MAGI1: variants seen among roughly 807,000 people sequenced by gnomAD.
The protein encoded by MAGI1 is membrane associated guanylate kinase, WW and PDZ domain containing 1, also known as membrane-associated guanylate kinase, WW and PDZ domain-containing protein 1.
In MAGI1, 58 loss-of-function variants were observed where a neutral mutation model predicts 139.9. The ratio of observed to expected loss-of-function variants is 0.41; its 90% CI spans 0.34 to 0.52. The LOEUF (loss-of-function observed/expected upper bound fraction) is 0.52. Among genes scored for constraint, MAGI1 ranks in the 20% least tolerant of loss-of-function variants. The pLI, the probability that MAGI1 is intolerant of heterozygous loss-of-function variation, is 0.12. For missense variants in MAGI1, 1,874 were observed against 1,901.6 expected, an observed-to-expected ratio of 0.99 and a Z score of 0.27; for synonymous variants, 812 against 737.9, an observed-to-expected ratio of 1.10 and a Z score of -1.63.
intron 12 of MAGI1, among the ~76,000 whole-genome samples, chr3:65,410,879 T>C (rs1049254976): frequency 7.2e-5 from 11 of 152,294 alleles, no homozygotes; most frequent in African/African-American, 2.2e-4. Flanking sequence ...AAAAACTCAG[T>C]TTCAAAGTGG....
intron 2 of MAGI1, among the ~76,000 whole-genome samples, chr3:65,531,652 C>T (rs1400448937): frequency 2.0e-5 from 3 of 152,250 alleles, no homozygotes; most frequent in Admixed American, 6.5e-5. Flanking sequence ...GCACTTAGGG[C>T]ATCACCCTCA....
chr3:65,470,522 AG>A (rs375056455), intron 4 of MAGI1, 38 bp from the exon 5 acceptor site: 7,678 of 979,558 alleles, frequency 7.8e-3, no homozygotes, highest in South Asian at 0.014. Flanking sequence ...AGAGAGAGAG[AG>A]AAAAAAAAAA....
intron 1 of MAGI1, among the ~76,000 whole-genome samples, chr3:65,707,343 G>C (rs1168413398): frequency 3.9e-5 from 6 of 152,144 alleles, no homozygotes; most frequent in African/African-American, 1.4e-4. Flanking sequence ...AGAGCACAGT[G>C]GCTCACACCT....
At chr3:65,669,979 A>C (rs2086757399) in intron 1 of MAGI1, among the ~76,000 whole-genome samples, 1 of 152,180 alleles carries the variant, frequency 6.6e-6, no homozygotes, top group South Asian at 2.1e-4. Context: ...ATCTTTTCTT[A>C]AAATGAATTA....
At chr3:65,825,573 G>A in intron 1 of MAGI1, among the ~76,000 whole-genome samples, 1 of 115,836 alleles carries the variant, frequency 8.6e-6, no homozygotes, top group South Asian at 2.9e-4. Flanking sequence ...CCCATCAAAA[G>A]GGAAATGTTA....
chr3:65,973,756 T>C (rs2065119088), intron 1 of MAGI1, among the ~76,000 whole-genome samples: 1 of 152,228 alleles, frequency 6.6e-6, no homozygotes, highest in South Asian at 2.1e-4. Context: ...ATAAATTGCT[T>C]AGCACAGAGT....
At chr3:65,594,380 T>C (rs750385545) in intron 2 of MAGI1, among the ~76,000 whole-genome samples, 7 of 152,208 alleles carry the variant, frequency 4.6e-5, no homozygotes, top group Non-Finnish European at 8.8e-5. Context: ...GTAAATTTAC[T>C]GAAGGCCAAC....
intron 1 of MAGI1, among the ~76,000 whole-genome samples, chr3:65,668,604 T>C (rs2086670290): frequency 7.4e-6 from 1 of 135,628 alleles, no homozygotes; most frequent in Non-Finnish European, 1.5e-5. Flanking sequence ...TCTCACTCTG[T>C]CGCCCAGGCT....
intron 13 of MAGI1, among the ~76,000 whole-genome samples, chr3:65,398,061 C>T (rs1194653175): frequency 2.6e-5 from 4 of 151,888 alleles, no homozygotes; most frequent in African/African-American, 4.8e-5. Flanking sequence ...TGTTTGCAAA[C>T]TGCAAGAAGA....
intron 1 of MAGI1, among the ~76,000 whole-genome samples, chr3:65,727,095 C>A (rs2033705645): frequency 6.6e-6 from 1 of 152,006 alleles, no homozygotes; most frequent in Non-Finnish European, 1.5e-5. Context: ...GGAGAAAATT[C>A]TGTGGCCAAA....
chr3:65,848,683 AAACACCTGGGTCC>A (rs2059093537), intron 1 of MAGI1, among the ~76,000 whole-genome samples: 1 of 152,122 alleles, frequency 6.6e-6, no homozygotes, highest in Non-Finnish European at 1.5e-5. Flanking sequence ...CTTAGCAGTT[AAACACCTGGGTCC>A]TAGACCCAGA....
intron 2 of MAGI1, among the ~76,000 whole-genome samples, chr3:65,567,462 A>T (rs535798192): frequency 2.0e-5 from 3 of 152,290 alleles, no homozygotes; most frequent in South Asian, 4.1e-4. Context: ...AAAATAAAAA[A>T]AGTCCTACTA....
At chr3:65,951,666 A>G (rs2063868521) in intron 1 of MAGI1, among the ~76,000 whole-genome samples, 1 of 152,218 alleles carries the variant, frequency 6.6e-6, no homozygotes, top group African/African-American at 2.4e-5. Context: ...ATTTTAAATT[A>G]CAAGTGGTTC....
chr3:65,401,389 C>CCCCCA, intron 13 of MAGI1, 50 bp downstream of exon 13: 1 of 1,548,720 alleles, frequency 6.5e-7, no homozygotes, highest in East Asian at 2.3e-5. Context: ...TCCAGCCCCC[C>CCCCCA]ACCATCCACC....
At chr3:65,530,863 A>C (rs1209473630) in intron 2 of MAGI1, among the ~76,000 whole-genome samples, 7 of 143,490 alleles carry the variant, frequency 4.9e-5, no homozygotes, top group African/African-American at 1.8e-4. Flanking sequence ...ACATATATAT[A>C]TATATGGAGA....
Position 65,671,967 on chromosome 3 carries a change from C to T in MAGI1, c.314-49879G>A, listed in dbSNP as rs567465567. Among the ~76,000 whole-genome samples the T allele has an allele frequency of 5.9e-5, 9 of 152,246 alleles. No homozygotes were observed. The East Asian group carries it at 1.7e-3, about 29-fold the overall frequency. On this transcript the variant is annotated intron_variant, in intron 1 of 22. Coordinates refer to ENST00000402939, the MANE Select transcript of MAGI1 (RefSeq NM_001033057.2). ...AGTTCACCATAGATACAAAATTGGG[C>T]ACAATTATCACTACAAAAAGGTTAG...
chr3:65,984,534 G>GTGTGTA (rs1477437782), intron 1 of MAGI1, among the ~76,000 whole-genome samples: 1 of 150,504 alleles, frequency 6.6e-6, no homozygotes, highest in Non-Finnish European at 1.5e-5. Context: ...GTGTGTGTGT[G>GTGTGTA]TGTGTGTGTG....
intron 2 of MAGI1, among the ~76,000 whole-genome samples, chr3:65,605,026 T>C (rs1296878692): frequency 1.3e-5 from 2 of 152,178 alleles, no homozygotes; most frequent in Non-Finnish European, 2.9e-5. Flanking sequence ...ACTCATGCCA[T>C]GAAAATATGC....
At chr3:65,454,724 C>CAA (rs578221236) in intron 5 of MAGI1, among the ~76,000 whole-genome samples, 2 of 121,060 alleles carry the variant, frequency 1.7e-5, no homozygotes, top group African/African-American at 8.2e-5. Flanking sequence ...TATTAATTGT[C>CAA]AAAAAAAAAA....
Sources: allele counts gnomAD v4.1 joint callset (sites outside exome capture counted in the v4.1 genomes callset), GRCh38; gene constraint gnomAD v4.1.1; transcripts MANE v1.5; gene names NCBI Gene and HGNC (gene_info 2026-07-23, HGNC 2026-07-21).